Variants in PCDHA3 observed in about 807,000 individuals in gnomAD.
The protein encoded by PCDHA3 is protocadherin alpha 3, also known as protocadherin alpha-3.
Under a neutral mutation model 62.2 loss-of-function variants are expected in PCDHA3, and 41 were observed. That is an observed-to-expected ratio of 0.66 (90% CI 0.51 to 0.86). PCDHA3 has a LOEUF of 0.86. Ranked by LOEUF, PCDHA3 falls within the 40% of genes least tolerant of loss-of-function variation. PCDHA3 has a pLI of 0.00. For synonymous variants in PCDHA3, 640 were observed against 555.4 expected (o/e 1.15, Z -2.14); for missense variants, 1,304 against 1,241.2 (o/e 1.05, Z -0.76).
At chr5:140,849,675 C>A (rs2150444772) in intron 1 of PCDHA3, 1 of 1,598,600 alleles carries the variant, frequency 6.3e-7, no homozygotes. Context: ...GCCCCACGTC[C>A]CCTTCAAGCT....
chr5:140,858,664 A>C lies in PCDHA3; in HGVS notation c.2394+55073A>C, dbSNP rs972477672. ...TGGTACTTAAATTTTTTTAAATAAC[A>C]ATTTATTCTGAATACACTAATATTT... On this transcript the variant is annotated intron_variant, in intron 1 of 3. Transcript: ENST00000522353. 30 of 728,612 alleles carry C rather than the reference A, an allele frequency of 4.1e-5. No homozygotes were observed. In the African/African-American group the frequency reaches 4.8e-4, roughly 12 times the overall value. 45.1% of individuals were successfully genotyped at this position (728,612 alleles called of 1,614,324 possible).
At chr5:140,807,980 A>G (rs1764075341) in intron 1 of PCDHA3, 2 of 1,613,730 alleles carry the variant, frequency 1.2e-6, no homozygotes, top group Non-Finnish European at 1.7e-6. Context: ...AATTAAACTT[A>G]ACGCCTCAGA....
chr5:140,925,641 TATAATAATAATAATAATA>T (rs10569930), intron 1 of PCDHA3, among the ~76,000 whole-genome samples: 1 of 143,358 alleles, frequency 7.0e-6, no homozygotes, highest in African/African-American at 2.5e-5. Context: ...GAACTTAAAG[TATAATAATAATAATAATA>T]ATAATAATAA....
intron 1 of PCDHA3, among the ~76,000 whole-genome samples, chr5:140,971,045 T>G (rs2096453995): frequency 6.6e-6 from 1 of 152,090 alleles, no homozygotes; most frequent in Non-Finnish European, 1.5e-5. Context: ...CGTAAAAGGG[T>G]TTAGCTTTAA....
At position 140,802,229 on chromosome 5, in the gene PCDHA3, T is replaced by C. The variant is rs781982599; in HGVS notation, c.1032T>C (p.Asn344=). The C allele has an allele frequency of 3.1e-6, 5 of 1,614,226 alleles. No individual in the cohort carries two copies. Among genetic ancestry groups the C allele is most frequent in the Middle Eastern group, 1.6e-4 (1 of 6,062 alleles). The change falls in exon 1 of 4, where the codon AAT becomes AAC. Residue 344 remains asparagine, a synonymous_variant. Transcript: ENST00000522353. ...TTCTACTCGAAATTGTGGACATCAA[T>C]GATAATGTACCTGAGTTAGTTATTC... ...CTVLLEIVDI[N]DNVPELVIQS... is the part of the protein sequence containing the mutation.
intron 1 of PCDHA3, chr5:140,829,180 T>C: frequency 1.2e-6 from 2 of 1,614,192 alleles, no homozygotes; most frequent in Non-Finnish European, 1.7e-6. Flanking sequence ...GTGAAGACGC[T>C]CAATTTGGTA....
intron 1 of PCDHA3, among the ~76,000 whole-genome samples, chr5:140,972,665 T>A (rs1554234345): frequency 6.7e-6 from 1 of 148,584 alleles, no homozygotes; most frequent in Non-Finnish European, 1.5e-5. Flanking sequence ...ACCAAATTTT[T>A]TTTTTTTTTT....
chr5:140,957,133 A>G (rs1308855631), intron 1 of PCDHA3, among the ~76,000 whole-genome samples: 4 of 152,222 alleles, frequency 2.6e-5, no homozygotes, highest in African/African-American at 9.6e-5. Context: ...TTACTACACT[A>G]TGAACTAAAA....
chr5:140,849,596 A>G, intron 1 of PCDHA3: 1 of 1,598,768 alleles, frequency 6.3e-7, no homozygotes, highest in Non-Finnish European at 8.6e-7. Flanking sequence ...AACTGGGGAC[A>G]GTTATTGCCC....
chr5:140,971,698 A>G (rs969936167), intron 1 of PCDHA3, among the ~76,000 whole-genome samples: 16 of 151,980 alleles, frequency 1.1e-4, no homozygotes, highest in Non-Finnish European at 2.2e-4. Context: ...CTCACTAACC[A>G]CCCTGCTATA....
chr5:140,925,048 C>A (rs574148178), intron 1 of PCDHA3, among the ~76,000 whole-genome samples: 1 of 150,658 alleles, frequency 6.6e-6, no homozygotes, highest in South Asian at 2.1e-4. Flanking sequence ...AAGTTTGAGA[C>A]CAGACTGGGC....
At chr5:140,935,796 G>A (rs2090564598) in intron 1 of PCDHA3, among the ~76,000 whole-genome samples, 2 of 150,224 alleles carry the variant, frequency 1.3e-5, no homozygotes, top group African/African-American at 2.5e-5. Flanking sequence ...AAATATAAAC[G>A]AGATTATTTC....
Position 140,842,573 on chromosome 5 carries a change from G to A in PCDHA3, c.2394+38982G>A, listed in dbSNP as rs1190804367. The A allele has an allele frequency of 6.6e-6, 10 of 1,507,924 alleles. 1 individual carries two copies. In the African/African-American group the frequency reaches 7.3e-5, roughly 11 times the overall value. 93.4% of individuals were successfully genotyped at this position (1,507,924 alleles called of 1,614,324 possible). A position where few individuals can be genotyped will look rare whatever the true frequency, so the allele number is the denominator to read the frequency against. On this transcript the variant is annotated intron_variant, in intron 1 of 3. Transcript: ENST00000522353. ...GGACAGCGCCCTGGACCGCGAGAGA[G>A]TGTCGGCCTATGAGTTGGTGGTAAC...
At chr5:140,822,658 A>G (rs2150118258) in intron 1 of PCDHA3, 42 of 1,608,556 alleles carry the variant, frequency 2.6e-5, no homozygotes, top group Non-Finnish European at 3.4e-5. Flanking sequence ...ATTTATAATT[A>G]ATTCTAATAC....
rs1554148611 is a variant in PCDHA3, at chr5:140,856,378, C to A, written c.2394+52787C>A. 3 of 1,598,456 alleles carry A rather than the reference C, an allele frequency of 1.9e-6. 1 individual carries two copies. Among genetic ancestry groups the A allele is most frequent in the South Asian group, 2.2e-5 (2 of 90,536 alleles). ...GCATCCACCTGGAGGTGATCGTGGA[C>A]AGGCCGCTGCAGGTTTTCCATGTGG... On this transcript the variant is annotated intron_variant, in intron 1 of 3. Coordinates refer to ENST00000522353, the MANE Select transcript of PCDHA3 (RefSeq NM_018906.3).
intron 1 of PCDHA3, among the ~76,000 whole-genome samples, chr5:140,942,287 G>A (rs1468201947): frequency 1.3e-5 from 2 of 152,102 alleles, no homozygotes; most frequent in African/African-American, 4.8e-5. Context: ...GCTCATGCCT[G>A]TAATCCTAGC....
At chr5:140,841,138 C>T (rs2150311495) in intron 1 of PCDHA3, 1 of 713,754 alleles carries the variant, frequency 1.4e-6, no homozygotes, top group Non-Finnish European at 2.3e-6. Context: ...TTTGAAGCCA[C>T]ATGATGTCGC....
At position 141,010,952 on chromosome 5, in the gene PCDHA3, T is replaced by C. The variant is rs1217882818; in HGVS notation, c.*1015T>C. On this transcript the variant is annotated 3_prime_UTR_variant, in exon 4 of 4. Coordinates refer to ENST00000522353, the MANE Select transcript of PCDHA3 (RefSeq NM_018906.3). ...AGTCTACAGCCATTTAAATGATCAT[T>C]GCTGCTACAGAAGTGCTTTAAGAGA... 1 of 153,792 alleles carries C rather than the reference T, an allele frequency of 6.5e-6. No individual in the cohort carries two copies. Among genetic ancestry groups the C allele is most frequent in the East Asian group, 1.9e-4 (1 of 5,194 alleles). The allele number at this position is 153,792 out of a possible 1,614,324, so 9.5% of individuals were successfully genotyped here. A position where few individuals can be genotyped will look rare whatever the true frequency, so the allele number is the denominator to read the frequency against.
At chr5:140,876,361 C>T (rs1554168496) in intron 1 of PCDHA3, 1 of 1,613,880 alleles carries the variant, frequency 6.2e-7, no homozygotes. Flanking sequence ...TTCAATAAAT[C>T]CAGACACAGG....
Sources: gnomAD v4.1 joint callset for allele counts (sites outside exome capture counted in the v4.1 genomes callset) on GRCh38, gnomAD v4.1.1 for gene constraint, MANE v1.5 for transcripts, NCBI Gene and HGNC (gene_info 2026-07-23, HGNC 2026-07-21) for gene names.